LPAR1: variants seen among roughly 807,000 people sequenced by gnomAD.
LPAR1 encodes LPA receptor 1.
Under a neutral mutation model 23.8 loss-of-function variants are expected in LPAR1, and 5 were observed. The observed-to-expected ratio is 0.21, with a 90% CI of 0.11 to 0.44. LPAR1 has a LOEUF of 0.44. Among genes scored for constraint, LPAR1 ranks in the 20% least tolerant of loss-of-function variants. The probability of loss-of-function intolerance (pLI) is 0.99; values close to 1 mark genes in which losing one functional copy is unlikely to be tolerated. For missense variants in LPAR1, 311 were observed against 482.8 expected (o/e 0.64, Z 3.33); for synonymous variants, 160 against 164.7 (o/e 0.97, Z 0.22).
chr9:110,882,876 A>G (rs1045482658), intron 5 of LPAR1, among the ~76,000 whole-genome samples: 3 of 152,086 alleles, frequency 2.0e-5, no homozygotes, highest in Admixed American at 1.3e-4. Flanking sequence ...TATTCAACTC[A>G]CTCATATTCA....
At chr9:110,933,328 GA>G (rs1302848016) in intron 5 of LPAR1, among the ~76,000 whole-genome samples, 1 of 152,150 alleles carries the variant, frequency 6.6e-6, no homozygotes, top group African/African-American at 2.4e-5. Flanking sequence ...TCAAAAAAGA[GA>G]AAGGGAAAGA....
intron 5 of LPAR1, among the ~76,000 whole-genome samples, chr9:110,888,168 A>G (rs2082917612): frequency 6.6e-6 from 1 of 152,142 alleles, no homozygotes. Context: ...AAAAATATAA[A>G]TTTGTATTCA....
At chr9:110,951,753 G>T (rs1013932997) in intron 4 of LPAR1, among the ~76,000 whole-genome samples, 2 of 151,644 alleles carry the variant, frequency 1.3e-5, no homozygotes, top group Admixed American at 1.3e-4. Flanking sequence ...TAGATCAAAA[G>T]ATTCTAACCC....
chr9:110,977,816 G>A (rs1191915543), intron 2 of LPAR1, among the ~76,000 whole-genome samples: 7,514 of 84,536 alleles, frequency 0.089, 587 homozygotes, highest in South Asian at 0.16. Flanking sequence ...AGGAGGGAGG[G>A]AGGGCGGGAG....
chr9:111,021,051 A>C (rs1439951698), intron 2 of LPAR1, among the ~76,000 whole-genome samples: 1 of 152,210 alleles, frequency 6.6e-6, no homozygotes, highest in East Asian at 1.9e-4. Context: ...TGAACTTGAA[A>C]GACTGAATAT....
At chr9:110,952,052 C>G (rs1422383123) in intron 4 of LPAR1, among the ~76,000 whole-genome samples, 1 of 152,160 alleles carries the variant, frequency 6.6e-6, no homozygotes, top group Admixed American at 6.5e-5. Flanking sequence ...TCACCTCCTC[C>G]ACAAAGAACA....
At chr9:110,925,984 G>A (rs564204686) in intron 5 of LPAR1, among the ~76,000 whole-genome samples, 4 of 152,160 alleles carry the variant, frequency 2.6e-5, no homozygotes, top group South Asian at 4.2e-4. Flanking sequence ...GCAGTGGTGC[G>A]ATCTCGGCTC....
At chr9:111,018,520 G>C (rs1017384908) in intron 2 of LPAR1, among the ~76,000 whole-genome samples, 2 of 152,096 alleles carry the variant, frequency 1.3e-5, no homozygotes, top group Non-Finnish European at 2.9e-5. Context: ...ACTATTAAGA[G>C]AAAGGACAAA....
At chr9:110,987,513 G>A (rs529893795) in intron 2 of LPAR1, among the ~76,000 whole-genome samples, 1 of 151,722 alleles carries the variant, frequency 6.6e-6, no homozygotes, top group East Asian at 1.9e-4. Context: ...ACTGATTTGA[G>A]TAATAAAACT....
chr9:110,939,214 G>A (rs1255675338), intron 5 of LPAR1, among the ~76,000 whole-genome samples: 1 of 152,260 alleles, frequency 6.6e-6, no homozygotes, highest in Non-Finnish European at 1.5e-5. Flanking sequence ...TAGGCACCAC[G>A]CCTTGAAAAA....
chr9:110,925,121 G>A, intron 5 of LPAR1, among the ~76,000 whole-genome samples: 1 of 151,962 alleles, frequency 6.6e-6, no homozygotes, highest in South Asian at 2.1e-4. Context: ...ACGCTGAATT[G>A]GTTTGTATAT....
intron 2 of LPAR1, among the ~76,000 whole-genome samples, chr9:111,031,355 G>A (rs2097789883): frequency 1.5e-5 from 2 of 136,480 alleles, no homozygotes; most frequent in Non-Finnish European, 3.1e-5. Context: ...CCAGGAGTTT[G>A]AGAACAGCCT....
intron 5 of LPAR1, among the ~76,000 whole-genome samples, chr9:110,899,752 G>T (rs1447092243): frequency 6.6e-6 from 1 of 152,130 alleles, no homozygotes; most frequent in Non-Finnish European, 1.5e-5. Flanking sequence ...CAGCACTTTG[G>T]GTAGCAAGAG....
chr9:110,877,706 C>T (rs937530149), intron 5 of LPAR1, among the ~76,000 whole-genome samples: 2 of 152,170 alleles, frequency 1.3e-5, no homozygotes, highest in African/African-American at 4.8e-5. Context: ...TTTCAAGTTT[C>T]CTTTCCCCTT....
intron 2 of LPAR1, among the ~76,000 whole-genome samples, chr9:111,005,529 C>T (rs1253869420): frequency 4.3e-5 from 5 of 117,286 alleles, no homozygotes; most frequent in Non-Finnish European, 1.6e-5. Flanking sequence ...GCCTGAGCAA[C>T]GAGTGAGACC....
chr9:110,962,411 G>A (rs2096032046), intron 4 of LPAR1, among the ~76,000 whole-genome samples: 1 of 152,014 alleles, frequency 6.6e-6, no homozygotes, highest in African/African-American at 2.4e-5. Context: ...GAGAGCTGGG[G>A]CCTACACCTG....
intron 4 of LPAR1, among the ~76,000 whole-genome samples, chr9:110,948,701 T>C (rs965976554): frequency 2.6e-5 from 4 of 152,126 alleles, no homozygotes; most frequent in Non-Finnish European, 4.4e-5. Context: ...TAAATAGTCC[T>C]TAGATGCACT....
chr9:111,034,176 C>T (rs1389109857), intron 2 of LPAR1, among the ~76,000 whole-genome samples: 2 of 152,226 alleles, frequency 1.3e-5, no homozygotes, highest in Non-Finnish European at 2.9e-5. Flanking sequence ...ACCGAGTGTG[C>T]TACTTGGCTT....
intron 2 of LPAR1, among the ~76,000 whole-genome samples, chr9:111,001,691 A>G (rs1050983030): frequency 6.6e-6 from 1 of 152,118 alleles, no homozygotes; most frequent in South Asian, 2.1e-4. Context: ...GAACCCTTCT[A>G]CTGTTATTCT....
Sources: allele counts gnomAD v4.1 joint callset (sites outside exome capture counted in the v4.1 genomes callset), GRCh38; gene constraint gnomAD v4.1.1; transcripts MANE v1.5; gene names NCBI Gene and HGNC (gene_info 2026-07-23, HGNC 2026-07-21).